FANCA: variants seen among roughly 807,000 people sequenced by gnomAD.
FANCA encodes Fanconi anemia group A protein.
A neutral mutation model predicts 194.3 loss-of-function variants in FANCA; 236 were observed. The observed-to-expected ratio is 1.21, with a 90% confidence interval of 1.09 to 1.35. The LOEUF is 1.35. FANCA is among the 40% of genes most tolerant of loss of function. FANCA has a pLI of 0.00. For synonymous variants in FANCA, 1,014 were observed against 715.8 expected (o/e 1.42, Z -6.65); for missense variants, 2,628 against 1,813.9 (o/e 1.45, Z -8.15).
At chr16:89,797,949 G>A (rs192870071) in intron 10 of FANCA, among the ~76,000 whole-genome samples, 203 of 151,972 alleles carry the variant, frequency 1.3e-3, no homozygotes, top group African/African-American at 4.5e-3. Context: ...TATAAAAATC[G>A]GCAGGTCAGT....
chr16:89,810,681 A>C, intron 5 of FANCA, 26 bp downstream of exon 5: 1 of 1,397,056 alleles, frequency 7.2e-7, no homozygotes, highest in Non-Finnish European at 1.0e-6. Flanking sequence ...AACACTGGAG[A>C]GTCAGATTTG....
chr16:89,811,180 T>A (rs546349353), intron 3 of FANCA, 109 bp from the exon 4 acceptor site: 16 of 1,447,442 alleles, frequency 1.1e-5, no homozygotes, highest in Middle Eastern at 1.7e-4. Flanking sequence ...ACAAAAAAAA[T>A]TGCCTTTTAA....
intron 4 of FANCA, 52 bp downstream of exon 4, chr16:89,810,877 C>T (rs2143678622): frequency 6.2e-7 from 1 of 1,614,056 alleles, no homozygotes; most frequent in Admixed American, 1.7e-5. Context: ...ATTTTCCCAA[C>T]CAGCTTAAAA....
chr16:89,740,406 G>A (rs1273625807), intron 38 of FANCA: 16 of 472,588 alleles, frequency 3.4e-5, no homozygotes, highest in South Asian at 1.2e-4. Context: ...TTGGGAGGCC[G>A]AGGTCGGCGG....
At chr16:89,795,415 G>A (rs1172068236) in intron 11 of FANCA, among the ~76,000 whole-genome samples, 2 of 151,266 alleles carry the variant, frequency 1.3e-5, no homozygotes, top group African/African-American at 4.9e-5. Context: ...GGCAGGTGGA[G>A]CACCGAAGGT....
chr16:89,742,250 T>C (rs1424470429), intron 37 of FANCA, among the ~76,000 whole-genome samples: 2 of 151,896 alleles, frequency 1.3e-5, no homozygotes, highest in East Asian at 2.0e-4. Flanking sequence ...GTGTTGGGAT[T>C]ACAGGCATGA....
At chr16:89,776,569 T>C (rs1421349712) in intron 20 of FANCA, among the ~76,000 whole-genome samples, 3 of 152,024 alleles carry the variant, frequency 2.0e-5, no homozygotes, top group Non-Finnish European at 4.4e-5. Context: ...GGATCCCGCC[T>C]GTAATCCCAG....
chr16:89,762,114 C>T (rs1463752671), intron 28 of FANCA, 92 bp from the exon 29 acceptor site: 26 of 949,878 alleles, frequency 2.7e-5, no homozygotes, highest in Admixed American at 6.8e-5. Flanking sequence ...TCATCTCATA[C>T]GCAGTCCTCC....
intron 35 of FANCA, among the ~76,000 whole-genome samples, chr16:89,745,747 C>T (rs188015568): frequency 2.0e-4 from 27 of 133,178 alleles, no homozygotes; most frequent in Admixed American, 5.5e-4. Flanking sequence ...GTGAAGGGAC[C>T]ACACTGCCCT....
At chr16:89,739,837 G>A in intron 39 of FANCA, 157 bp downstream of exon 39, 2 of 1,492,656 alleles carry the variant, frequency 1.3e-6, no homozygotes, top group Non-Finnish European at 1.8e-6. Flanking sequence ...TTATCTTATT[G>A]CTTTAAACAA....
rs1359701520 is a variant in FANCA, at chr16:89,771,793, A to C, written c.2036T>G (p.Val679Gly). 6.2e-7 allele frequency: 1 copy of C among 1,614,016 alleles called. No homozygotes were observed. The highest frequency in any genetic ancestry group is 8.5e-7 in the Non-Finnish European group (1 of 1,180,032). The part of the protein sequence containing the change: ...QRDVISAQVA[V>G]ISERLRAVLG... ...GACAGCCCTCAGTCTTTCAGAAATC[A>C]CTGCCACCTGTGCCGATATAACTGC... The change falls in exon 23 of 43, where the codon GTG becomes GGG. Residue 679 changes from valine to glycine, a missense_variant. Coordinates refer to ENST00000389301, the MANE Select transcript of FANCA (RefSeq NM_000135.4).
intron 41 of FANCA, 77 bp downstream of exon 41, chr16:89,739,056 G>A: frequency 1.2e-6 from 2 of 1,613,938 alleles, no homozygotes; most frequent in Non-Finnish European, 1.7e-6. Context: ...TGCATGCTGT[G>A]CCGGAACATT....
chr16:89,742,694 A>G lies in FANCA; in HGVS notation c.3765+106T>C, dbSNP rs566870599. On this transcript the variant is annotated intron_variant, in intron 37 of 42. Transcript: ENST00000389301. ...AAAAAAAAGTCTTGCTCCAAGCCAC[A>G]TATTTGTCTTTAGAAAAACAGTTCA... 1.6e-5 allele frequency: 18 copies of G among 1,156,684 alleles called. No homozygotes were observed. The African/African-American group carries it at 1.8e-4, about 12-fold the overall frequency. 71.7% of individuals were successfully genotyped at this position (1,156,684 alleles called of 1,614,324 possible).
At chr16:89,791,883 C>A (rs371956514) in intron 13 of FANCA, 44 bp downstream of exon 13, 2 of 1,613,122 alleles carry the variant, frequency 1.2e-6, no homozygotes, top group Non-Finnish European at 1.7e-6. Context: ...CACCCCCCTA[C>A]ACACACTCTT....
chr16:89,795,994 CGT>C lies in FANCA; in HGVS notation c.916_917del (p.Thr306AlafsTer32), dbSNP rs764122657. 8.7e-6 allele frequency: 14 copies of C among 1,613,904 alleles called. No homozygotes were observed. The highest frequency in any genetic ancestry group is 1.7e-5 in the Admixed American group (1 of 60,008). On this transcript the variant is annotated frameshift_variant, in exon 11 of 43. Transcript: ENST00000389301. LOFTEE classifies it high-confidence loss of function. ...RCWFGVFSGH[T>X]LGSVISTDPL... The stretch of plus-strand genomic sequence containing the variant: ...GATCTGTGGAAATTACACTGCCAAG[CGT>C]GTGTCCACTGAACACTCCGAACCTG...
At chr16:89,791,769 G>C (rs1048192036) in intron 13 of FANCA, 158 bp downstream of exon 13, 2 of 1,039,972 alleles carry the variant, frequency 1.9e-6, no homozygotes, top group Non-Finnish European at 2.9e-6. Flanking sequence ...TTATGGAAGC[G>C]TCTGACAAAG....
chr16:89,752,940 G>T (rs2038647540), intron 30 of FANCA, among the ~76,000 whole-genome samples: 1 of 152,176 alleles, frequency 6.6e-6, no homozygotes, highest in Non-Finnish European at 1.5e-5. Context: ...CTCTTGTGGA[G>T]GGCCTGACAT....
intron 11 of FANCA, among the ~76,000 whole-genome samples, chr16:89,793,894 G>A (rs1190581876): frequency 6.6e-6 from 1 of 152,156 alleles, no homozygotes; most frequent in Non-Finnish European, 1.5e-5. Flanking sequence ...GGGACTACAG[G>A]CGCCCACCAC....
chr16:89,811,368 T>C (rs1254739556), intron 3 of FANCA, among the ~76,000 whole-genome samples: 1 of 152,254 alleles, frequency 6.6e-6, no homozygotes, highest in African/African-American at 2.4e-5. Context: ...CCAAGAACTT[T>C]ATCATCTTTT....
Sources: allele counts gnomAD v4.1 joint callset (sites outside exome capture counted in the v4.1 genomes callset), GRCh38; gene constraint gnomAD v4.1.1; transcripts MANE v1.5; gene names NCBI Gene and HGNC (gene_info 2026-07-23, HGNC 2026-07-21).